The following RUNX2 variants were observed in gnomAD, a reference collection of about 807,000 sequenced individuals.
RUNX2 encodes RUNX family transcription factor 2.
In RUNX2, 10 loss-of-function variants were observed where a neutral mutation model predicts 51.7. The observed-to-expected ratio is 0.19, with a 90% CI of 0.12 to 0.33. The LOEUF (loss-of-function observed/expected upper bound fraction) is 0.33, where lower values mean the gene tolerates loss of function less well. RUNX2 is among the 10% of genes least tolerant of loss of function. The probability of loss-of-function intolerance (pLI) is 1.00; values close to 1 mark genes in which losing one functional copy is unlikely to be tolerated. For missense variants in RUNX2, 562 were observed against 691.3 expected (o/e 0.81, Z 2.10); for synonymous variants, 276 against 273.6 (o/e 1.01, Z -0.09).
At chr6:45,491,444 G>A (rs1397454381) in intron 5 of RUNX2, among the ~76,000 whole-genome samples, 1 of 152,000 alleles carries the variant, frequency 6.6e-6, no homozygotes, top group Non-Finnish European at 1.5e-5. Flanking sequence ...TAGTTGTAAC[G>A]TTAAAGAAAA....
At chr6:45,493,211 G>A (rs1355352538) in intron 6 of RUNX2, among the ~76,000 whole-genome samples, 2 of 152,068 alleles carry the variant, frequency 1.3e-5, no homozygotes, top group Admixed American at 6.5e-5. Context: ...TTGCATGAGT[G>A]TATATTTTAA....
intron 2 of RUNX2, among the ~76,000 whole-genome samples, chr6:45,399,779 G>GA (rs1797665332): frequency 1.3e-5 from 2 of 150,464 alleles, no homozygotes; most frequent in African/African-American, 2.4e-5. Flanking sequence ...AGGAGGGAGG[G>GA]AGGGAGGAAA....
At chr6:45,423,722 G>A (rs1798303221) in intron 3 of RUNX2, among the ~76,000 whole-genome samples, 1 of 152,190 alleles carries the variant, frequency 6.6e-6, no homozygotes. Flanking sequence ...TGCTCTGTTC[G>A]CTGACCCGCG....
chr6:45,415,477 C>T (rs950079782), intron 2 of RUNX2, among the ~76,000 whole-genome samples: 2 of 152,106 alleles, frequency 1.3e-5, no homozygotes, highest in African/African-American at 4.8e-5. Flanking sequence ...GAAGGCTGTT[C>T]ACACGGAGTT....
chr6:45,339,380 C>A (rs944969624), intron 2 of RUNX2, among the ~76,000 whole-genome samples: 5 of 152,132 alleles, frequency 3.3e-5, no homozygotes, highest in Non-Finnish European at 5.9e-5. Flanking sequence ...AGATAGCCAA[C>A]TTTTAATACT....
chr6:45,336,052 C>G (rs970407103), intron 2 of RUNX2, among the ~76,000 whole-genome samples: 5 of 151,182 alleles, frequency 3.3e-5, no homozygotes, highest in African/African-American at 1.2e-4. Flanking sequence ...TTAATCCAAC[C>G]TCCTTTCCAC....
At chr6:45,382,020 A>T (rs1037052765) in intron 2 of RUNX2, among the ~76,000 whole-genome samples, 2 of 152,228 alleles carry the variant, frequency 1.3e-5, no homozygotes, top group Admixed American at 6.5e-5. Context: ...GGCTGCTGAA[A>T]AAATGATTAT....
intron 5 of RUNX2, among the ~76,000 whole-genome samples, chr6:45,448,447 G>A (rs1221679529): frequency 6.6e-6 from 1 of 152,136 alleles, no homozygotes; most frequent in Non-Finnish European, 1.5e-5. Flanking sequence ...ATTAAGAAGA[G>A]GGAAGAAAAT....
chr6:45,519,788 ATATGTGTGTGTGTGTGTGTG>A (rs1358114256), intron 7 of RUNX2, among the ~76,000 whole-genome samples: 18 of 118,902 alleles, frequency 1.5e-4, no homozygotes, highest in Non-Finnish European at 2.6e-4. Flanking sequence ...ATATATATAT[ATATGTGTGTGTGTGTGTGTG>A]TGTGTGTGTG....
intron 2 of RUNX2, among the ~76,000 whole-genome samples, chr6:45,419,926 G>A (rs74872917): frequency 0.079 from 12,093 of 152,114 alleles, 703 homozygotes; most frequent in South Asian, 0.18. Flanking sequence ...GGGGCGGGAG[G>A]GGCGCGGCTT....
At chr6:45,344,545 CA>C (rs1490836101) in intron 2 of RUNX2, among the ~76,000 whole-genome samples, 3 of 151,870 alleles carry the variant, frequency 2.0e-5, no homozygotes, top group Non-Finnish European at 4.4e-5. Context: ...GTAACATTAT[CA>C]ATTAAGTACT....
At chr6:45,437,397 C>T (rs17288411) in intron 4 of RUNX2, among the ~76,000 whole-genome samples, 1 of 152,010 alleles carries the variant, frequency 6.6e-6, no homozygotes, top group Non-Finnish European at 1.5e-5. Context: ...AGGCACATTA[C>T]GGCCAGGACA....
rs35187443 is a variant in RUNX2 at position 45,475,123 on chromosome 6, T to TA, written c.686-16800dup. 9.9e-3 allele frequency among the ~76,000 whole-genome samples: 1,279 copies of TA among 129,004 alleles called. 17 individuals are homozygous for TA. Among genetic ancestry groups the TA allele is most frequent in the African/African-American group, 0.031 (1,043 of 33,758 alleles). 84.6% of individuals were successfully genotyped at this position (129,004 alleles called of 152,430 possible). On this transcript the variant is annotated intron_variant, in intron 5 of 8. Coordinates refer to ENST00000647337, the MANE Select transcript of RUNX2 (RefSeq NM_001024630.4). ...TGGGCGACAGAGTAAGACTCCATCT[T>TA]AAAAAAAAAAAAAAAAAAGAAGCTT...
chr6:45,345,016 T>C (rs1336300700), intron 2 of RUNX2, among the ~76,000 whole-genome samples: 1 of 152,206 alleles, frequency 6.6e-6, no homozygotes, highest in Non-Finnish European at 1.5e-5. Flanking sequence ...TTTAGCAAAC[T>C]GATTTATGTA....
At chr6:45,445,226 A>G (rs1798958518) in intron 5 of RUNX2, among the ~76,000 whole-genome samples, 1 of 151,902 alleles carries the variant, frequency 6.6e-6, no homozygotes, top group Non-Finnish European at 1.5e-5. Context: ...GGATTTCACC[A>G]TGTTGGCCAG....
intron 2 of RUNX2, among the ~76,000 whole-genome samples, chr6:45,356,108 G>T (rs1470008624): frequency 1.3e-5 from 2 of 152,134 alleles, no homozygotes; most frequent in African/African-American, 4.8e-5. Flanking sequence ...CTCTAGAAAA[G>T]TGGTTGTGTA....
At chr6:45,387,417 G>A (rs1201158083) in intron 2 of RUNX2, among the ~76,000 whole-genome samples, 2 of 152,206 alleles carry the variant, frequency 1.3e-5, no homozygotes, top group East Asian at 3.8e-4. Context: ...TAACTCACAT[G>A]CGACACACAG....
In RUNX2 at chr6:45,420,150, C is replaced by T. The variant is rs74315763; in HGVS notation, c.59-2443C>T. Among the ~76,000 whole-genome samples the T allele has an allele frequency of 1.0e-3, 156 of 152,306 alleles. 6 individuals carry two copies. The East Asian group carries it at 0.026, about 26-fold the overall frequency. ...TGGCTACCCCGCACCCCCACCTCTGCTCCCGCGGTCTGGCAGACCCTCAGT... is the reference window on the plus strand; with the variant it reads ...TGGCTACCCCGCACCCCCACCTCTGTTCCCGCGGTCTGGCAGACCCTCAGT... On this transcript the variant is annotated intron_variant, in intron 2 of 8. Coordinates refer to ENST00000647337, the MANE Select transcript of RUNX2 (RefSeq NM_001024630.4).
At chr6:45,520,259 A>G (rs760470547) in intron 7 of RUNX2, among the ~76,000 whole-genome samples, 54 of 152,048 alleles carry the variant, frequency 3.6e-4, no homozygotes, top group Non-Finnish European at 6.2e-4. Flanking sequence ...CATTTCACAC[A>G]TTTCTTCCTG....
Sources: gnomAD v4.1 joint callset for allele counts (sites outside exome capture counted in the v4.1 genomes callset) on GRCh38, gnomAD v4.1.1 for gene constraint, MANE v1.5 for transcripts, NCBI Gene and HGNC (gene_info 2026-07-23, HGNC 2026-07-21) for gene names.